Variants in HSPA4 observed in about 807,000 individuals in gnomAD.
HSPA4 encodes heat shock 70 kDa protein 4.
HSPA4 carries 25 observed loss-of-function variants against 106.2 expected under a neutral mutation model. The observed-to-expected ratio is 0.24, with a 90% CI of 0.17 to 0.33. The LOEUF (loss-of-function observed/expected upper bound fraction) is 0.33. HSPA4 is among the 10% of genes least tolerant of loss of function. HSPA4 has a pLI of 1.00. For missense variants in HSPA4, 841 were observed against 996.0 expected, an observed-to-expected ratio of 0.84 and a Z score of 2.10; for synonymous variants, 332 against 333.6, an observed-to-expected ratio of 1.00 and a Z score of 0.05.
At chr5:133,071,648 A>G (rs553939267) in intron 4 of HSPA4, among the ~76,000 whole-genome samples, 11 of 152,316 alleles carry the variant, frequency 7.2e-5, no homozygotes, top group Admixed American at 3.3e-4. Context: ...CTTTAGTTTC[A>G]TGGCCTCTTT....
chr5:133,092,806 G>GTTTTTTTTGTTTTTTTTTTTTTTTTTTT lies in HSPA4; in HGVS notation c.1650+25_1650+26insGTTTTTTTTTTTTTTTTTTTTTTTTTTT. 4.3e-6 allele frequency: 2 copies of GTTTTTTTTGTTTTTTTTTTTTTTTTTTT among 467,634 alleles called. No homozygotes were observed. Among genetic ancestry groups the GTTTTTTTTGTTTTTTTTTTTTTTTTTTT allele is most frequent in the Admixed American group, 6.2e-5 (1 of 16,102 alleles). The allele number at this position is 467,634 out of a possible 1,614,324, so 29.0% of individuals were successfully genotyped here. A position where few individuals can be genotyped will look rare whatever the true frequency, so the allele number is the denominator to read the frequency against. The stretch of plus-strand genomic sequence containing the variant: ...GAAATGGAGGTATGCATTGGGTGGT[G>GTTTTTTTTGTTTTTTTTTTTTTTTTTTT]TTTTTTTTTTTTTTTTTTTTTTTTT... On this transcript the variant is annotated intron_variant, in intron 13 of 18. Transcript: ENST00000304858.
rs1419725645 is a variant in HSPA4, at chr5:133,076,917, C to T, written c.908+19C>T. The T allele has an allele frequency of 1.7e-5, 27 of 1,576,028 alleles. No homozygotes were observed. Among genetic ancestry groups the T allele is most frequent in the South Asian group, 2.3e-5 (2 of 88,838 alleles). On this transcript the variant is annotated intron_variant, in intron 7 of 18. Coordinates refer to ENST00000304858, the MANE Select transcript of HSPA4 (RefSeq NM_002154.4). ...TGAATAGGTAAGTATATTACTATTTCGATGTTAAAGTGAAGAGTGAGTTTT... is the reference window on the plus strand; with the variant it reads ...TGAATAGGTAAGTATATTACTATTTTGATGTTAAAGTGAAGAGTGAGTTTT...
At chr5:133,071,988 C>G (rs907708212) in intron 4 of HSPA4, among the ~76,000 whole-genome samples, 6 of 152,172 alleles carry the variant, frequency 3.9e-5, no homozygotes, top group Non-Finnish European at 8.8e-5. Context: ...TTCCATTCCT[C>G]CATCTAGTGC....
intron 4 of HSPA4, 22 bp from the exon 5 acceptor site, chr5:133,073,208 G>A (rs755916156): frequency 2.9e-6 from 4 of 1,392,262 alleles, no homozygotes; most frequent in Middle Eastern, 1.8e-4. Context: ...AATACAGTAA[G>A]CATTCTTTTT....
chr5:133,068,386 C>T (rs766926782), intron 3 of HSPA4, among the ~76,000 whole-genome samples: 13 of 150,668 alleles, frequency 8.6e-5, no homozygotes, highest in Non-Finnish European at 1.6e-4. Flanking sequence ...ATAGGGTGGA[C>T]ACATTTGCCT....
intron 1 of HSPA4, among the ~76,000 whole-genome samples, chr5:133,064,135 G>A (rs186518155): frequency 6.6e-6 from 1 of 152,348 alleles, no homozygotes; most frequent in African/African-American, 2.4e-5. Flanking sequence ...GCAGTAAATG[G>A]ATTAAATCAG....
intron 13 of HSPA4, among the ~76,000 whole-genome samples, chr5:133,095,656 G>C (rs1397458009): frequency 1.3e-5 from 2 of 152,072 alleles, no homozygotes; most frequent in African/African-American, 2.4e-5. Context: ...TTTAAATAAA[G>C]GTAGAAAAAT....
At chr5:133,103,832 T>C (rs749772796) in intron 17 of HSPA4, 33 bp from the exon 18 acceptor site, 19 of 1,597,402 alleles carry the variant, frequency 1.2e-5, no homozygotes, top group South Asian at 2.3e-5. Flanking sequence ...GTATCACACT[T>C]TTAGCACTTG....
At chr5:133,086,923 T>C (rs1165794668) in intron 8 of HSPA4, 65 bp downstream of exon 8, 6 of 1,262,362 alleles carry the variant, frequency 4.8e-6, no homozygotes, top group Non-Finnish European at 6.9e-6. Context: ...TTATTTATTA[T>C]CTTACTTTTG....
intron 7 of HSPA4, among the ~76,000 whole-genome samples, chr5:133,081,334 C>T (rs1765513061): frequency 6.6e-6 from 1 of 152,136 alleles, no homozygotes; most frequent in Non-Finnish European, 1.5e-5. Flanking sequence ...AAGTGTGAGT[C>T]CCTCTTTTGT....
intron 7 of HSPA4, among the ~76,000 whole-genome samples, chr5:133,078,411 C>T (rs1765472310): frequency 6.6e-6 from 1 of 151,478 alleles, no homozygotes; most frequent in Admixed American, 6.6e-5. Flanking sequence ...GAGGCAGGTG[C>T]ATCACTTGAG....
chr5:133,053,328 C>T (rs367719823), intron 1 of HSPA4, among the ~76,000 whole-genome samples: 21,278 of 129,056 alleles, frequency 0.16, 2,311 homozygotes, highest in South Asian at 0.22. Flanking sequence ...GGTCTCTCTT[C>T]TTTTTTTTTT....
chr5:133,094,560 C>T (rs1429352202), intron 13 of HSPA4, among the ~76,000 whole-genome samples: 1 of 152,094 alleles, frequency 6.6e-6, no homozygotes, highest in Non-Finnish European at 1.5e-5. Flanking sequence ...ATGGGGGCAG[C>T]AGTGGCAGAG....
intron 1 of HSPA4, chr5:133,052,632 G>A (rs1380028044): frequency 1.9e-5 from 8 of 424,208 alleles, no homozygotes; most frequent in Non-Finnish European, 3.4e-5. Flanking sequence ...GGAGGGCACG[G>A]GTAGGAACTG....
At chr5:133,052,963 C>G (rs1401237467) in intron 1 of HSPA4, 1 of 152,310 alleles carries the variant, frequency 6.6e-6, no homozygotes, top group Non-Finnish European at 1.5e-5. Flanking sequence ...AATCGGTGCT[C>G]TTATGATAAC....
chr5:133,063,219 C>A (rs1238708527), intron 1 of HSPA4, among the ~76,000 whole-genome samples: 2 of 151,990 alleles, frequency 1.3e-5, no homozygotes, highest in African/African-American at 4.8e-5. Context: ...GCCTCAGCCA[C>A]CCCCACCCCG....
chr5:133,100,342 T>G (rs138905114), intron 16 of HSPA4, among the ~76,000 whole-genome samples: 1 of 152,002 alleles, frequency 6.6e-6, no homozygotes, highest in South Asian at 2.1e-4. Context: ...GTGCTGGAAT[T>G]ATAGGTGTGA....
In HSPA4 at chr5:133,093,144, G is replaced by C. The variant is rs118126284; in HGVS notation, c.1650+355G>C. 7.6e-4 allele frequency among the ~76,000 whole-genome samples: 116 copies of C among 151,988 alleles called. No homozygotes were observed. The East Asian group carries it at 0.022, about 28-fold the overall frequency. ...CCACACCCGGCTGAGTTGTGTTTTA[G>C]AGTATGCACTGCAGTCTTTTTAAAG... On this transcript the variant is annotated intron_variant, in intron 13 of 18. Transcript: ENST00000304858.
At chr5:133,096,367 A>G (rs1046731358) in intron 14 of HSPA4, 117 bp downstream of exon 14, 1 of 928,858 alleles carries the variant, frequency 1.1e-6, no homozygotes, top group African/African-American at 1.7e-5. Flanking sequence ...GAGAAAATAA[A>G]TTAGACTTTT....
Sources: allele counts gnomAD v4.1 joint callset (sites outside exome capture counted in the v4.1 genomes callset), GRCh38; gene constraint gnomAD v4.1.1; transcripts MANE v1.5; gene names NCBI Gene and HGNC (gene_info 2026-07-23, HGNC 2026-07-21).